Variants in DYM observed in about 807,000 individuals in gnomAD.
DYM encodes the protein dymeclin, also known as dyggve-Melchior-Clausen syndrome protein.
Under a neutral mutation model 93.1 loss-of-function variants are expected in DYM, and 78 were observed. That is an observed-to-expected ratio of 0.84 (90% CI 0.70 to 1.01). The LOEUF (loss-of-function observed/expected upper bound fraction) is 1.01. Among genes scored for constraint, DYM ranks in the 50% least tolerant of loss-of-function variants. DYM has a pLI of 0.00. For missense variants in DYM, 789 were observed against 845.0 expected, an observed-to-expected ratio of 0.93 and a Z score of 0.82; for synonymous variants, 321 against 319.7, an observed-to-expected ratio of 1.00 and a Z score of -0.04.
Position 49,298,944 on chromosome 18 carries a change from T to A in DYM, c.764-12328A>T, listed in dbSNP as rs2060728211. On this transcript the variant is annotated intron_variant, in intron 8 of 17. Coordinates refer to ENST00000675505, the MANE Select transcript of DYM (RefSeq NM_001353214.3). ...AAAGCCTTGTGCCCTCAGAGATAAA[T>A]CCTATCTCACCCACATATGCAAAAA... Among the ~76,000 whole-genome samples, 2 of 152,134 alleles carry A rather than the reference T, an allele frequency of 1.3e-5. 1 individual carries two copies. The highest frequency in any genetic ancestry group is 4.1e-4 in the South Asian group (2 of 4,830).
intron 2 of DYM, among the ~76,000 whole-genome samples, chr18:49,422,309 G>A (rs533992304): frequency 1.8e-4 from 28 of 152,218 alleles, no homozygotes; most frequent in East Asian, 5.8e-4. Context: ...CGGATCTCTC[G>A]GCAGAAACTC....
intron 2 of DYM, among the ~76,000 whole-genome samples, chr18:49,393,441 T>C (rs545932950): frequency 3.7e-4 from 56 of 152,292 alleles, no homozygotes; most frequent in African/African-American, 1.3e-3. Flanking sequence ...AAATGAAATG[T>C]ACATACACAC....
At chr18:49,220,675 ATGGTGC>A (rs2093314423) in intron 13 of DYM, among the ~76,000 whole-genome samples, 1 of 152,208 alleles carries the variant, frequency 6.6e-6, no homozygotes, top group African/African-American at 2.4e-5. Flanking sequence ...TATTTAATAA[ATGGTGC>A]TGGGAAAACT....
chr18:49,421,053 T>G (rs1176577616), intron 2 of DYM, among the ~76,000 whole-genome samples: 1 of 152,180 alleles, frequency 6.6e-6, no homozygotes, highest in Non-Finnish European at 1.5e-5. Flanking sequence ...CCTGCCTCTG[T>G]AGACTCCACC....
rs1022844308 is a variant in DYM, at chr18:49,196,870, T to C, written c.1625+12681A>G. On this transcript the variant is annotated intron_variant, in intron 14 of 17. Coordinates refer to ENST00000675505, the MANE Select transcript of DYM (RefSeq NM_001353214.3). ...ACAGAACTTGAGGAAAAGGACTAGG[T>C]AGGAGTCCAGGTGTGTGATAAGGAC... Among the ~76,000 whole-genome samples the C allele has an allele frequency of 5.3e-5, 8 of 152,174 alleles. No individual in the cohort carries two copies. The Middle Eastern group carries it at 0.01, about 195-fold the overall frequency.
chr18:49,050,001 G>A (rs990189797), intron 17 of DYM, among the ~76,000 whole-genome samples: 2 of 151,708 alleles, frequency 1.3e-5, no homozygotes, highest in Non-Finnish European at 2.9e-5. Context: ...CTGTCTCAGA[G>A]TCAGGCTCAA....
At chr18:49,401,310 T>C (rs2070787512) in intron 2 of DYM, among the ~76,000 whole-genome samples, 1 of 152,192 alleles carries the variant, frequency 6.6e-6, no homozygotes, top group Non-Finnish European at 1.5e-5. Flanking sequence ...AAGCAATCCA[T>C]ATATTAGAAG....
intron 6 of DYM, among the ~76,000 whole-genome samples, chr18:49,339,374 C>G (rs565119709): frequency 1.3e-5 from 2 of 152,346 alleles, no homozygotes; most frequent in South Asian, 4.1e-4. Flanking sequence ...CCTCCCCTCA[C>G]AGAATACAAC....
intron 6 of DYM, among the ~76,000 whole-genome samples, chr18:49,346,822 T>C (rs1418711250): frequency 1.3e-5 from 2 of 152,214 alleles, no homozygotes; most frequent in African/African-American, 4.8e-5. Context: ...TAACTGAATA[T>C]ACAGATGCTC....
rs185886327 is a variant in DYM, at chr18:49,038,960, G to A, written c.*5095C>T. On this transcript the variant is annotated 3_prime_UTR_variant, in exon 18 of 18. Coordinates refer to ENST00000675505, the MANE Select transcript of DYM (RefSeq NM_001353214.3). The stretch of plus-strand genomic sequence containing the variant: ...TCTCTATATATTTAAAACTCCATAA[G>A]ACATAATTATTGTTTTATGTAGTCA... 1.2e-4 allele frequency among the ~76,000 whole-genome samples: 18 copies of A among 152,186 alleles called. No homozygotes were observed. Among genetic ancestry groups the A allele is most frequent in the African/African-American group, 3.9e-4 (16 of 41,554 alleles).
intron 15 of DYM, 41 bp downstream of exon 15, chr18:49,163,644 G>T: frequency 6.9e-7 from 1 of 1,450,580 alleles, no homozygotes; most frequent in South Asian, 1.2e-5. Flanking sequence ...GTGCCTGGCT[G>T]AAAGGAAAAT....
At chr18:49,407,324 G>A (rs1487703109) in intron 2 of DYM, among the ~76,000 whole-genome samples, 1 of 152,158 alleles carries the variant, frequency 6.6e-6, no homozygotes, top group Admixed American at 6.5e-5. Context: ...TGAATGCACG[G>A]ATAAATAACT....
intron 16 of DYM, among the ~76,000 whole-genome samples, chr18:49,118,232 T>C (rs371390956): frequency 2.0e-5 from 3 of 152,168 alleles, no homozygotes; most frequent in East Asian, 3.9e-4. Context: ...GTGTTGAATC[T>C]TGAAAATAAA....
rs1365561890 is a variant in DYM at position 49,399,939 on chromosome 18, T to C, written c.141-8294A>G. 5.0e-4 allele frequency among the ~76,000 whole-genome samples: 62 copies of C among 122,812 alleles called. 1 individual carries two copies. Among genetic ancestry groups the C allele is most frequent in the East Asian group, 2.0e-3 (9 of 4,524 alleles). 80.6% of individuals were successfully genotyped at this position (122,812 alleles called of 152,430 possible). A position where few individuals can be genotyped will look rare whatever the true frequency, so the allele number is the denominator to read the frequency against. On this transcript the variant is annotated intron_variant, in intron 2 of 17. Coordinates refer to ENST00000675505, the MANE Select transcript of DYM (RefSeq NM_001353214.3). Reference sequence around the variant, plus strand: ...AGACATTTATTTTTATTTTTCTTTTTTTTTTTTTTTTTTTTTTTTTGAGAC... The same window carrying C: ...AGACATTTATTTTTATTTTTCTTTTCTTTTTTTTTTTTTTTTTTTTGAGAC...
chr18:49,167,786 G>C (rs930903215), intron 14 of DYM, among the ~76,000 whole-genome samples: 1 of 152,038 alleles, frequency 6.6e-6, no homozygotes, highest in Admixed American at 6.6e-5. Flanking sequence ...ACTTAGCTGG[G>C]ATCTATTTGC....
At chr18:49,402,420 G>C (rs551358254) in intron 2 of DYM, among the ~76,000 whole-genome samples, 1 of 152,026 alleles carries the variant, frequency 6.6e-6, no homozygotes, top group African/African-American at 2.4e-5. Flanking sequence ...ATTTTTAGGG[G>C]GGAAGAAAAA....
intron 1 of DYM, among the ~76,000 whole-genome samples, chr18:49,457,710 T>C (rs967460330): frequency 7.2e-5 from 11 of 152,300 alleles, no homozygotes; most frequent in African/African-American, 2.2e-4. Context: ...CCATGGAAGC[T>C]CTGATTATGT....
At chr18:49,153,057 A>G (rs2085997622) in intron 15 of DYM, among the ~76,000 whole-genome samples, 1 of 152,192 alleles carries the variant, frequency 6.6e-6, no homozygotes. Flanking sequence ...ACTGTAGTTA[A>G]TAATACTGTA....
rs1260587234 is a variant in DYM, at chr18:49,258,825, G to GAGAC, written c.1252-333_1252-332insGTCT. ...ACACACACACACACACACACACAGA[G>GAGAC]ACACACACACACACAGAGAGAGAGA... On this transcript the variant is annotated intron_variant, in intron 11 of 17. Transcript: ENST00000675505. Among the ~76,000 whole-genome samples the GAGAC allele has an allele frequency of 1.4e-3, 177 of 125,100 alleles. 5 individuals are homozygous for GAGAC. Among genetic ancestry groups the GAGAC allele is most frequent in the East Asian group, 9.1e-3 (35 of 3,858 alleles). 82.1% of individuals were successfully genotyped at this position (125,100 alleles called of 152,430 possible).
Sources: gnomAD v4.1 joint callset for allele counts (sites outside exome capture counted in the v4.1 genomes callset) on GRCh38, gnomAD v4.1.1 for gene constraint, MANE v1.5 for transcripts, NCBI Gene and HGNC (gene_info 2026-07-23, HGNC 2026-07-21) for gene names.